The following GUCY2F variants were observed in gnomAD, a reference collection of about 807,000 sequenced individuals.
GUCY2F encodes retinal guanylyl cyclase 2.
In GUCY2F, 61 loss-of-function variants were observed where a neutral mutation model predicts 73.1. That is an observed-to-expected ratio of 0.83 (90% CI 0.68 to 1.03). GUCY2F has a LOEUF of 1.03. Among genes scored for constraint, GUCY2F ranks in the 50% least tolerant of loss-of-function variants. The pLI, the probability that GUCY2F is intolerant of heterozygous loss-of-function variation, is 0.00. For synonymous variants in GUCY2F, 331 were observed against 307.8 expected, an observed-to-expected ratio of 1.08 and a Z score of -0.79; for missense variants, 912 against 854.3, an observed-to-expected ratio of 1.07 and a Z score of -0.84.
chrX:109,400,170 G>A (rs1930805061), intron 10 of GUCY2F, among the ~76,000 whole-genome samples: 1 of 108,878 alleles, frequency 9.2e-6, no homozygotes, highest in Non-Finnish European at 1.9e-5. Flanking sequence ...GATCAGCTAG[G>A]AAGTTATTGC....
At chrX:109,473,376 A>C (rs1932613364) in intron 2 of GUCY2F, among the ~76,000 whole-genome samples, 1 of 111,973 alleles carries the variant, frequency 8.9e-6, no homozygotes, top group Non-Finnish European at 1.9e-5. Flanking sequence ...ATGGGAACTT[A>C]AAGCAAGAAA....
intron 2 of GUCY2F, among the ~76,000 whole-genome samples, chrX:109,466,874 A>G (rs917858627): frequency 4.4e-5 from 5 of 112,422 alleles, no homozygotes; most frequent in African/African-American, 1.6e-4. Context: ...CACCCCTAGA[A>G]AGTTTCCCTT....
At chrX:109,395,279 T>C in intron 12 of GUCY2F, 62 bp downstream of exon 12, 1 of 970,197 alleles carries the variant, frequency 1.0e-6, no homozygotes, top group Non-Finnish European at 1.5e-6. Context: ...CCCAAGGAGT[T>C]AGCCTTGTGT....
At chrX:109,401,211 T>C (rs1174327858) in intron 10 of GUCY2F, among the ~76,000 whole-genome samples, 1 of 112,297 alleles carries the variant, frequency 8.9e-6, no homozygotes, top group East Asian at 2.8e-4. Flanking sequence ...CTAACTACCA[T>C]TAGAGTTGAA....
chrX:109,424,436 G>A (rs1054550630), intron 8 of GUCY2F, among the ~76,000 whole-genome samples: 1 of 111,660 alleles, frequency 9.0e-6, no homozygotes, highest in African/African-American at 3.3e-5. Flanking sequence ...TGAACAGGTG[G>A]AGCACAGAGG....
chrX:109,373,409 A>C (rs1930101371), intron 19 of GUCY2F, among the ~76,000 whole-genome samples: 1 of 111,527 alleles, frequency 9.0e-6, no homozygotes, highest in South Asian at 3.8e-4. Context: ...AGTTATATTA[A>C]AGCTCTGGTG....
At chrX:109,376,026 G>C in intron 18 of GUCY2F, 40 bp from the exon 19 acceptor site, 1 of 1,158,549 alleles carries the variant, frequency 8.6e-7, no homozygotes, top group Non-Finnish European at 1.2e-6. Context: ...AGTGAAGAAA[G>C]TGTGGCAGAG....
At chrX:109,409,595 T>C (rs1240458650) in intron 8 of GUCY2F, among the ~76,000 whole-genome samples, 1 of 111,310 alleles carries the variant, frequency 9.0e-6, no homozygotes, top group African/African-American at 3.3e-5. Flanking sequence ...AGTTTTGCTG[T>C]GTCCCCACCC....
At position 109,388,541 on chromosome X, in the gene GUCY2F, C is replaced by A. The variant is rs776638322; in HGVS notation, c.2904G>T (p.Lys968Asn). 8.3e-7 allele frequency: 1 copy of A among 1,204,879 alleles called. No individual in the cohort carries two copies. The highest frequency in any genetic ancestry group is 3.0e-5 in the East Asian group (1 of 33,730). The change falls in exon 15 of 20, where the codon AAG (lysine) becomes AAT (asparagine). Residue 968 changes from lysine (K) to asparagine (N), a missense_variant. Coordinates refer to ENST00000218006, the MANE Select transcript of GUCY2F (RefSeq NM_001522.3). ...LDILSSVGTF[K>N]MRHMPEVPVR... ...CCGGCACTTCTGGCATGTGCCGCAT[C>A]TTGAAAGTGCCCACAGAGCTCAGGA...
At chrX:109,435,617 A>G (rs1931724025) in intron 7 of GUCY2F, among the ~76,000 whole-genome samples, 1 of 109,208 alleles carries the variant, frequency 9.2e-6, no homozygotes, top group African/African-American at 3.4e-5. Flanking sequence ...AATACCCTTT[A>G]TTTCCTTCTC....
chrX:109,434,432 T>C (rs1401697252), intron 7 of GUCY2F, among the ~76,000 whole-genome samples: 1 of 109,508 alleles, frequency 9.1e-6, no homozygotes, highest in East Asian at 2.9e-4. Flanking sequence ...AGTGTGAATT[T>C]GTGTGAGCGT....
intron 19 of GUCY2F, among the ~76,000 whole-genome samples, chrX:109,374,609 A>G (rs1930133392): frequency 9.0e-6 from 1 of 111,425 alleles, no homozygotes; most frequent in Non-Finnish European, 1.9e-5. Context: ...AAGAACTTCC[A>G]AACACTTTCC....
At chrX:109,385,407 G>A in intron 15 of GUCY2F, 125 bp from the exon 16 acceptor site, 1 of 392,449 alleles carries the variant, frequency 2.5e-6, no homozygotes, top group Non-Finnish European at 4.4e-6. Context: ...ATATAGCTCT[G>A]TGAATCTGAA....
In GUCY2F at chrX:109,423,701, G is replaced by T. The variant is rs769632941; in HGVS notation, c.1791+6606C>A. On this transcript the variant is annotated intron_variant, in intron 8 of 19. Coordinates refer to ENST00000218006, the MANE Select transcript of GUCY2F (RefSeq NM_001522.3). ...CAAAGTGCTGGGATTACAAAAAGTG[G>T]TTTTTATTAAAAAAAAAAAAGAAAA... 4.8e-5 allele frequency among the ~76,000 whole-genome samples: 5 copies of T among 104,103 alleles called. No individual in the cohort carries two copies. The East Asian group carries it at 8.8e-4, about 18-fold the overall frequency. The allele number at this position is 104,103 out of a possible 115,157, so 90.4% of individuals were successfully genotyped here. A position where few individuals can be genotyped will look rare whatever the true frequency, so the allele number is the denominator to read the frequency against.
chrX:109,404,482 GC>G lies in GUCY2F; in HGVS notation c.1970del (p.Gly657AlafsTer2). 1 of 1,173,892 alleles carries G rather than the reference GC, an allele frequency of 8.5e-7. No individual in the cohort carries two copies. Among genetic ancestry groups the G allele is most frequent in the Non-Finnish European group, 1.2e-6 (1 of 865,647 alleles). ...KSSLLLDLIK[G>X]MKYLHHREFV... ...ACTCTCTGTGGTGTAAGTACTTCAT[GC>G]CCTGTAGATGACACAACAGGATTTA... On this transcript the variant is annotated frameshift_variant and splice_region_variant, in exon 10 of 20. Transcript: ENST00000218006. LOFTEE classifies it high-confidence loss of function.
At chrX:109,410,634 T>C (rs1009769083) in intron 8 of GUCY2F, among the ~76,000 whole-genome samples, 75 of 112,217 alleles carry the variant, frequency 6.7e-4, no homozygotes, top group African/African-American at 2.2e-3. Flanking sequence ...TCACATTCAA[T>C]GAAGGGTGAT....
chrX:109,430,847 C>T (rs747371187), intron 7 of GUCY2F, among the ~76,000 whole-genome samples: 5 of 111,373 alleles, frequency 4.5e-5, no homozygotes, highest in Non-Finnish European at 9.4e-5. Context: ...ATGTTTCCTG[C>T]ATTTACCTTG....
intron 7 of GUCY2F, among the ~76,000 whole-genome samples, chrX:109,440,639 A>G (rs1931846148): frequency 8.9e-6 from 1 of 111,920 alleles, no homozygotes; most frequent in African/African-American, 3.3e-5. Flanking sequence ...CTCACTTAGA[A>G]GGAACAGAAA....
intron 17 of GUCY2F, among the ~76,000 whole-genome samples, chrX:109,381,386 T>G (rs1210354620): frequency 1.8e-5 from 2 of 111,669 alleles, no homozygotes; most frequent in Non-Finnish European, 3.8e-5. Flanking sequence ...TCAAACTACT[T>G]CACCTCTCTG....
Sources: gnomAD v4.1 joint callset for allele counts (sites outside exome capture counted in the v4.1 genomes callset) on GRCh38, gnomAD v4.1.1 for gene constraint, MANE v1.5 for transcripts, NCBI Gene and HGNC (gene_info 2026-07-23, HGNC 2026-07-21) for gene names.